KLF8: variants seen among roughly 807,000 people sequenced by gnomAD.
KLF8 encodes the protein KLF transcription factor 8, also known as Krueppel-like factor 8.
KLF8 carries 10 observed loss-of-function variants against 18.2 expected under a neutral mutation model. The ratio of observed to expected loss-of-function variants is 0.55; its 90% confidence interval spans 0.34 to 0.93. The LOEUF (loss-of-function observed/expected upper bound fraction) is 0.93, where lower values mean the gene tolerates loss of function less well. Among genes scored for constraint, KLF8 ranks in the 40% least tolerant of loss-of-function variants. The pLI, the probability that KLF8 is intolerant of heterozygous loss-of-function variation, is 0.02. For synonymous variants in KLF8, 109 were observed against 97.3 expected (o/e 1.12, Z -0.71); for missense variants, 264 against 277.9 (o/e 0.95, Z 0.36).
the KLF8 span, among the ~76,000 whole-genome samples, chrX:55,992,992 G>A: frequency 0.53 from 58,117 of 110,316 alleles, 13,671 homozygotes; most frequent in East Asian, 0.75. Flanking sequence ...GTCTGTAAGC[G>A]TTTTGGCAGA....
the KLF8 span, among the ~76,000 whole-genome samples, chrX:56,098,808 A>T: frequency 8.9e-6 from 1 of 111,827 alleles, no homozygotes; most frequent in African/African-American, 3.2e-5. Context: ...TCTCTTGCAG[A>T]TGACATGATT....
chrX:56,085,374 C>A, the KLF8 span, among the ~76,000 whole-genome samples: 4 of 112,062 alleles, frequency 3.6e-5, no homozygotes, highest in Non-Finnish European at 7.5e-5. Context: ...GTTCAAAGGC[C>A]TGAGAGCCAG....
chrX:56,283,881 A>C (rs1017075263), intron 5 of KLF8, among the ~76,000 whole-genome samples: 1 of 112,202 alleles, frequency 8.9e-6, no homozygotes. Flanking sequence ...AAGATCACAC[A>C]GCTAGTTTGT....
At chrX:56,061,041 C>T in the KLF8 span, among the ~76,000 whole-genome samples, 8 of 109,418 alleles carry the variant, frequency 7.3e-5, no homozygotes, top group Middle Eastern at 4.6e-3. Flanking sequence ...GAGGTGATAT[C>T]GATTCTTCTC....
the KLF8 span, among the ~76,000 whole-genome samples, chrX:55,939,288 C>T: frequency 2.7e-5 from 3 of 111,372 alleles, no homozygotes; most frequent in East Asian, 2.8e-4. Context: ...GGGTACATAA[C>T]GAAATGAAGG....
chrX:56,202,302 G>A, the KLF8 span, among the ~76,000 whole-genome samples: 263 of 109,449 alleles, frequency 2.4e-3, 1 homozygote, highest in African/African-American at 8.6e-3. Context: ...ATTTTTGTGG[G>A]TACATAGTAG....
At chrX:56,032,498 A>G in the KLF8 span, among the ~76,000 whole-genome samples, 1 of 111,613 alleles carries the variant, frequency 9.0e-6, no homozygotes, top group African/African-American at 3.3e-5. Context: ...TCCTCCCTCT[A>G]ATTCCCAGCC....
At chrX:56,118,610 G>A in the KLF8 span, among the ~76,000 whole-genome samples, 2 of 111,114 alleles carry the variant, frequency 1.8e-5, 1 homozygote, top group South Asian at 7.6e-4. Flanking sequence ...ACACTTGAAA[G>A]CCTAAGTCTC....
the KLF8 span, among the ~76,000 whole-genome samples, chrX:56,132,468 C>T: frequency 6.3e-5 from 7 of 111,361 alleles, no homozygotes; most frequent in African/African-American, 1.6e-4. Context: ...ATCACAACCT[C>T]TGGGAAGCAG....
rs145056308 is a variant in KLF8, at chrX:56,269,434, A to G, written c.703A>G (p.Ser235Gly). 2.3e-5 allele frequency: 28 copies of G among 1,206,957 alleles called. No individual in the cohort carries two copies. In the African/African-American group the frequency reaches 3.3e-4, roughly 14 times the overall value. Residue 235 changes from serine to glycine, a missense_variant, in exon 4 of 6, where the codon AGT becomes GGT. Transcript: ENST00000468660. ...GGAAATTCCAAGTGACAGTGAGGAGAGTACAATTGAGAGTGGATCCTCAGC... is the reference window on the plus strand; with the variant it reads ...GGAAATTCCAAGTGACAGTGAGGAGGGTACAATTGAGAGTGGATCCTCAGC... ...PLEIPSDSEESTIESGSSALQ... is the reference protein window; with the variant it reads ...PLEIPSDSEEGTIESGSSALQ...
In KLF8 at chrX:56,269,477, G is replaced by C. The variant is rs1477147807; in HGVS notation, c.746G>C (p.Gly249Ala). The C allele has an allele frequency of 1.7e-6, 2 of 1,201,951 alleles. No individual in the cohort carries two copies. Among genetic ancestry groups the C allele is most frequent in the African/African-American group, 3.5e-5 (2 of 57,606 alleles). Residue 249 changes from glycine (G) to alanine (A), a missense_variant, in exon 4 of 6, where the codon GGA becomes GCA. Gly to Ala is a moderately conservative substitution (Grantham distance 60). Coordinates refer to ENST00000468660, the MANE Select transcript of KLF8 (RefSeq NM_007250.5). ...TCCTCAGCCTTGCAGAGTCTGCAGG[G>C]ACTACAGCAAGAGTGAGTACTTTTT... ...SGSSALQSLQ[G>A]LQQEPAAMAQ... is the part of the protein sequence containing the mutation.
chrX:55,987,860 C>G, the KLF8 span, among the ~76,000 whole-genome samples: 3 of 111,570 alleles, frequency 2.7e-5, no homozygotes, highest in South Asian at 3.8e-4. Context: ...TCTCCAGCAC[C>G]TGTTGTTTCC....
chrX:56,043,087 C>G, the KLF8 span, among the ~76,000 whole-genome samples: 5 of 111,405 alleles, frequency 4.5e-5, no homozygotes. Flanking sequence ...TTAGTTTGGC[C>G]AAATATGAAA....
intron 1 of KLF8, among the ~76,000 whole-genome samples, chrX:56,236,848 TTGTGTGTGTGTG>T (rs3052510): frequency 7.4e-5 from 7 of 95,072 alleles, no homozygotes; most frequent in Non-Finnish European, 1.1e-4. Flanking sequence ...ATGAGTATGT[TTGTGTGTGTGTG>T]TGTGTGTGTG....
chrX:56,014,274 A>G, the KLF8 span, among the ~76,000 whole-genome samples: 1 of 112,053 alleles, frequency 8.9e-6, no homozygotes, highest in South Asian at 3.7e-4. Context: ...ACAAGAAACA[A>G]ACAAATTTAT....
At chrX:56,169,454 T>C in the KLF8 span, among the ~76,000 whole-genome samples, 1 of 110,484 alleles carries the variant, frequency 9.1e-6, no homozygotes, top group African/African-American at 3.3e-5. Flanking sequence ...TGGACCTGCC[T>C]TGGGCCAGAG....
At chrX:56,139,766 A>C in the KLF8 span, among the ~76,000 whole-genome samples, 3 of 112,095 alleles carry the variant, frequency 2.7e-5, no homozygotes, top group African/African-American at 9.7e-5. Context: ...GAAAAGCAAA[A>C]ACAGGCAAAT....
chrX:56,116,928 A>G, the KLF8 span, among the ~76,000 whole-genome samples: 2 of 110,189 alleles, frequency 1.8e-5, no homozygotes, highest in African/African-American at 3.3e-5. Flanking sequence ...CTTTGGTGCA[A>G]TATCATGCTT....
chrX:56,162,770 A>G, the KLF8 span, among the ~76,000 whole-genome samples: 3 of 110,665 alleles, frequency 2.7e-5, no homozygotes, highest in East Asian at 5.7e-4. Context: ...TGCTGCATCC[A>G]CTGTCCTGCT....
Sources: gnomAD v4.1 joint callset for allele counts (sites outside exome capture counted in the v4.1 genomes callset) on GRCh38, gnomAD v4.1.1 for gene constraint, MANE v1.5 for transcripts, NCBI Gene and HGNC (gene_info 2026-07-23, HGNC 2026-07-21) for gene names.